The following SV2C variants were observed in gnomAD, a reference collection of about 807,000 sequenced individuals.
SV2C encodes the protein solute carrier family 22 member B3.
SV2C carries 49 observed loss-of-function variants against 79.7 expected under a neutral mutation model. The ratio of observed to expected loss-of-function variants is 0.61; its 90% CI spans 0.49 to 0.78. SV2C has a LOEUF of 0.78. SV2C is among the 30% of genes least tolerant of loss of function. The pLI is 0.00. For synonymous variants in SV2C, 334 were observed against 333.2 expected, an observed-to-expected ratio of 1.00 and a Z score of -0.03; for missense variants, 833 against 912.9, an observed-to-expected ratio of 0.91 and a Z score of 1.13.
At chr5:75,871,687 G>A in the SV2C span, among the ~76,000 whole-genome samples, 2 of 151,372 alleles carry the variant, frequency 1.3e-5, no homozygotes, top group Non-Finnish European at 2.9e-5. Flanking sequence ...GTGTGACTGT[G>A]ATCCCAACTA....
the SV2C span, among the ~76,000 whole-genome samples, chr5:75,984,989 A>G: frequency 6.6e-6 from 1 of 151,974 alleles, no homozygotes. Flanking sequence ...TGTTGCTATA[A>G]CAGAATACTT....
chr5:75,890,322 A>AT, the SV2C span, among the ~76,000 whole-genome samples: 1 of 152,096 alleles, frequency 6.6e-6, no homozygotes, highest in Non-Finnish European at 1.5e-5. Context: ...AATCTTTATT[A>AT]TACATAGAAT....
In SV2C at chr5:76,329,009, GC is replaced by G. The variant is rs1749095371; in HGVS notation, c.*3465del. 6.6e-6 allele frequency: 1 copy of G among 151,988 alleles called. No homozygotes were observed. The highest frequency in any genetic ancestry group is 1.5e-5 in the Non-Finnish European group (1 of 68,010). 9.4% of individuals were successfully genotyped at this position (151,988 alleles called of 1,614,324 possible). A position where few individuals can be genotyped will look rare whatever the true frequency, so the allele number is the denominator to read the frequency against. ...TCGAACTCCTGACCTCAAGTGATCGGCCCACCTCAGCCTCCCAAAATGCTGG... is the reference window on the plus strand; with the variant it reads ...TCGAACTCCTGACCTCAAGTGATCGGCCACCTCAGCCTCCCAAAATGCTGG... On this transcript the variant is annotated 3_prime_UTR_variant, in exon 13 of 13. Transcript: ENST00000502798.
At chr5:76,099,481 G>A (rs1463809306) in intron 1 of SV2C, among the ~76,000 whole-genome samples, 1 of 151,804 alleles carries the variant, frequency 6.6e-6, no homozygotes, top group Non-Finnish European at 1.5e-5. Flanking sequence ...CCTTCTCAGG[G>A]TTCTCTGATC....
Position 76,318,171 on chromosome 5 carries a change from G to A in SV2C, c.2001-7193G>A, listed in dbSNP as rs1276870059. 2.0e-5 allele frequency among the ~76,000 whole-genome samples: 3 copies of A among 152,252 alleles called. No homozygotes were observed. The South Asian group carries it at 6.2e-4, about 32-fold the overall frequency. ...GCAGTGGCTCATGCCGGTAATCCCA[G>A]CACTTTGGGAGGCCGAGGCGGGCAG... On this transcript the variant is annotated intron_variant, in intron 12 of 12. Coordinates refer to ENST00000502798, the MANE Select transcript of SV2C (RefSeq NM_014979.4).
At chr5:76,140,791 A>T (rs768454200) in intron 2 of SV2C, among the ~76,000 whole-genome samples, 29 of 152,136 alleles carry the variant, frequency 1.9e-4, no homozygotes, top group Admixed American at 9.2e-4. Flanking sequence ...AGACTTTAGG[A>T]TCAGCAGCTC....
At position 76,197,707 on chromosome 5, in the gene SV2C, C is replaced by CAGAT. The variant is rs4026946; in HGVS notation, c.761+2634_761+2637dup. Among the ~76,000 whole-genome samples the CAGAT allele has an allele frequency of 7.8e-4, 113 of 145,604 alleles. 1 individual carries two copies. The highest frequency in any genetic ancestry group is 5.7e-4 in the Non-Finnish European group (38 of 66,852). ...AGAATGGATAGAATAGATAGACAGG[C>CAGAT]AGATAGATAGATAGATAGATAGATA... is the stretch of plus-strand genomic sequence containing the variant. On this transcript the variant is annotated intron_variant, in intron 3 of 12. Coordinates refer to ENST00000502798, the MANE Select transcript of SV2C (RefSeq NM_014979.4).
chr5:76,058,848 C>G, the SV2C span, among the ~76,000 whole-genome samples: 3 of 151,922 alleles, frequency 2.0e-5, no homozygotes, highest in African/African-American at 7.3e-5. Flanking sequence ...ATTATAATAG[C>G]CTTTTACAAT....
chr5:75,911,465 G>A, the SV2C span: 1 of 923,270 alleles, frequency 1.1e-6, no homozygotes, highest in Non-Finnish European at 1.7e-6. Flanking sequence ...CCCTCCTCAG[G>A]GAACATACCC....
intron 4 of SV2C, among the ~76,000 whole-genome samples, chr5:76,244,176 C>T (rs1009220852): frequency 6.6e-6 from 1 of 152,192 alleles, no homozygotes; most frequent in African/African-American, 2.4e-5. Flanking sequence ...CTACTCTGTC[C>T]CCAGGCCTAG....
At chr5:75,953,911 T>C in the SV2C span, among the ~76,000 whole-genome samples, 7 of 151,994 alleles carry the variant, frequency 4.6e-5, no homozygotes, top group Non-Finnish European at 1.0e-4. Context: ...CACCTCCAAA[T>C]GAACTGTTTG....
At chr5:76,029,232 G>C in the SV2C span, among the ~76,000 whole-genome samples, 2 of 152,156 alleles carry the variant, frequency 1.3e-5, no homozygotes, top group Non-Finnish European at 2.9e-5. Context: ...TTTCTGGTGA[G>C]AACACCAAAC....
the SV2C span, among the ~76,000 whole-genome samples, chr5:76,048,150 T>C: frequency 6.6e-6 from 1 of 152,146 alleles, no homozygotes; most frequent in African/African-American, 2.4e-5. Flanking sequence ...TTGAGAACTA[T>C]TAGAGAGTAA....
At chr5:75,940,552 A>T in the SV2C span, among the ~76,000 whole-genome samples, 4 of 152,172 alleles carry the variant, frequency 2.6e-5, no homozygotes, top group Admixed American at 1.3e-4. Context: ...GGCCAGGCAC[A>T]ATTCACAAAG....
At position 76,132,273 on chromosome 5, in the gene SV2C, G is replaced by T. The variant is rs373545330; in HGVS notation, c.523G>T (p.Val175Leu). The change falls in exon 2 of 13, where the codon GTG becomes TTG. Residue 175 changes from valine to leucine, a missense_variant. Val to Leu is a conservative substitution (Grantham distance 32). Transcript: ENST00000502798. ...TGTAGAGGTGTTTGTCGTTGGCTTC[G>T]TGTTACCCAGTGCTGAGACAGACCT... Reference protein sequence around the residue: ...DGVEVFVVGFVLPSAETDLCI... With the variant: ...DGVEVFVVGFLLPSAETDLCI... The T allele has an allele frequency of 4.3e-6, 7 of 1,613,910 alleles. No homozygotes were observed. Among genetic ancestry groups the T allele is most frequent in the Non-Finnish European group, 5.9e-6 (7 of 1,180,002 alleles).
intron 2 of SV2C, among the ~76,000 whole-genome samples, chr5:76,136,779 G>A (rs1433734294): frequency 6.6e-6 from 1 of 152,224 alleles, no homozygotes; most frequent in East Asian, 1.9e-4. Flanking sequence ...GCAGATAAAA[G>A]GAAGGATGGC....
chr5:75,858,007 A>G, the SV2C span, among the ~76,000 whole-genome samples: 2 of 152,058 alleles, frequency 1.3e-5, no homozygotes, highest in Non-Finnish European at 2.9e-5. Context: ...TCTTTGGTGG[A>G]TTCTTTAGGT....
the SV2C span, among the ~76,000 whole-genome samples, chr5:75,868,500 C>CAAACAA: frequency 6.6e-6 from 1 of 152,214 alleles, no homozygotes; most frequent in East Asian, 1.9e-4. Flanking sequence ...CCAGACCAAA[C>CAAACAA]AAACAAAAAC....
the SV2C span, among the ~76,000 whole-genome samples, chr5:75,886,782 GA>G: frequency 6.6e-6 from 1 of 152,104 alleles, no homozygotes; most frequent in African/African-American, 2.4e-5. Flanking sequence ...TTGAGACTTT[GA>G]AATAGTGTAA....
Sources: allele counts gnomAD v4.1 joint callset (sites outside exome capture counted in the v4.1 genomes callset), GRCh38; gene constraint gnomAD v4.1.1; transcripts MANE v1.5; gene names NCBI Gene and HGNC (gene_info 2026-07-23, HGNC 2026-07-21).